Variants in INTU observed in about 807,000 individuals in gnomAD.
INTU encodes protein inturned.
A neutral mutation model predicts 100.5 loss-of-function variants in INTU; 68 were observed. That is an observed-to-expected ratio of 0.68 (90% CI 0.56 to 0.83). INTU has a LOEUF of 0.83. Among genes scored for constraint, INTU ranks in the 40% least tolerant of loss-of-function variants. INTU has a pLI of 0.00. For missense variants in INTU, 1,071 were observed against 1,114.7 expected (o/e 0.96, Z 0.56); for synonymous variants, 357 against 395.7 (o/e 0.90, Z 1.16).
chr4:127,667,690 A>G (rs1000959657), intron 4 of INTU, among the ~76,000 whole-genome samples: 2 of 152,140 alleles, frequency 1.3e-5, no homozygotes. Context: ...TAAGTAGACA[A>G]CAGAAGATCT....
At position 127,706,698 on chromosome 4, in the gene INTU, A is replaced by T; in HGVS notation, c.2000A>T (p.Lys667Ile). The T allele has an allele frequency of 6.2e-7, 1 of 1,614,104 alleles. No individual in the cohort carries two copies. Among genetic ancestry groups the T allele is most frequent in the Non-Finnish European group, 8.5e-7 (1 of 1,179,984 alleles). Reference sequence around the variant, plus strand: ...TGGTTCCTTACTGGATCACGTGAAAAAACAGATAGCTTGACCACTTCGCCT... The same window carrying T: ...TGGTTCCTTACTGGATCACGTGAAATAACAGATAGCTTGACCACTTCGCCT... ...ADWFLTGSREKTDSLTTSPIL... is the reference protein window; with the variant it reads ...ADWFLTGSREITDSLTTSPIL... Residue 667 changes from lysine (K) to isoleucine (I), a missense_variant, in exon 12 of 16, where the codon AAA (lysine) becomes ATA (isoleucine). Physicochemically the swap from Lys to Ile is moderately radical, Grantham distance 102. Coordinates refer to ENST00000335251, the MANE Select transcript of INTU (RefSeq NM_015693.4).
chr4:127,696,791 C>A (rs1029246382), intron 8 of INTU, among the ~76,000 whole-genome samples: 4 of 151,844 alleles, frequency 2.6e-5, no homozygotes, highest in African/African-American at 4.8e-5. Context: ...TTAGATATTT[C>A]TTCTTTTTTA....
intron 2 of INTU, among the ~76,000 whole-genome samples, chr4:127,649,541 C>G (rs1412347349): frequency 2.0e-5 from 3 of 151,754 alleles, no homozygotes; most frequent in Non-Finnish European, 4.4e-5. Flanking sequence ...ATTATACTTA[C>G]CTGTTGAGCA....
intron 2 of INTU, among the ~76,000 whole-genome samples, chr4:127,646,169 A>G (rs113974955): frequency 0.027 from 3,940 of 145,494 alleles, 179 homozygotes; most frequent in African/African-American, 0.095. Flanking sequence ...GGGGGAACAC[A>G]GTGAGACTCT....
chr4:127,700,846 G>A lies in INTU; in HGVS notation c.1503+783G>A, dbSNP rs369277872. Among the ~76,000 whole-genome samples, 38 of 151,342 alleles carry A rather than the reference G, an allele frequency of 2.5e-4. No homozygotes were observed. The South Asian group carries it at 6.7e-3, about 27-fold the overall frequency. ...GCACTAACTTGTTTTTGTGAAAACT[G>A]TTAAATGAAGAAAAATCAGACATTT... On this transcript the variant is annotated intron_variant, in intron 9 of 15. Transcript: ENST00000335251.
chr4:127,713,623 G>C (rs946856697), intron 14 of INTU, among the ~76,000 whole-genome samples: 2 of 152,020 alleles, frequency 1.3e-5, no homozygotes, highest in Non-Finnish European at 2.9e-5. Flanking sequence ...GGGGAAAAAA[G>C]CTTATAATTT....
chr4:127,682,010 T>C lies in INTU; in HGVS notation c.1182-2399T>C, dbSNP rs1043759238. 4.0e-5 allele frequency among the ~76,000 whole-genome samples: 6 copies of C among 149,810 alleles called. 1 individual carries two copies. The South Asian group carries it at 1.2e-3, about 31-fold the overall frequency. On this transcript the variant is annotated intron_variant, in intron 6 of 15. Transcript: ENST00000335251. ...CAAAAAACACATGAAAAAATGCTCATCATCACTGGCCATCAGAGAAATGCA... is the reference window on the plus strand; with the variant it reads ...CAAAAAACACATGAAAAAATGCTCACCATCACTGGCCATCAGAGAAATGCA...
chr4:127,665,997 A>G (rs930357513), intron 4 of INTU, among the ~76,000 whole-genome samples: 1 of 152,014 alleles, frequency 6.6e-6, no homozygotes, highest in Admixed American at 6.6e-5. Flanking sequence ...TTTGACCTCT[A>G]TTATTGCTGT....
chr4:127,656,559 G>C, intron 2 of INTU, 77 bp from the exon 3 acceptor site: 2 of 1,020,424 alleles, frequency 2.0e-6, no homozygotes, highest in Non-Finnish European at 3.1e-6. Context: ...CAGAGTAGCT[G>C]TTTAATGTTC....
At chr4:127,643,391 A>G (rs1389137893) in intron 1 of INTU, 130 bp from the exon 2 acceptor site, 11 of 600,054 alleles carry the variant, frequency 1.8e-5, no homozygotes, top group Non-Finnish European at 2.6e-5. Context: ...ATAATTTGAA[A>G]TAATAAAGAA....
intron 12 of INTU, 47 bp from the exon 13 acceptor site, chr4:127,708,524 G>T: frequency 1.0e-6 from 1 of 967,020 alleles, no homozygotes; most frequent in Non-Finnish European, 1.6e-6. Context: ...TCTGCTATAT[G>T]ATTCCATTCT....
At chr4:127,654,495 T>A (rs1223607736) in intron 2 of INTU, among the ~76,000 whole-genome samples, 1 of 152,200 alleles carries the variant, frequency 6.6e-6, no homozygotes, top group African/African-American at 2.4e-5. Context: ...TTAGTTTGGC[T>A]GGATATGAAA....
intron 3 of INTU, among the ~76,000 whole-genome samples, chr4:127,661,792 G>T (rs1728489242): frequency 6.6e-6 from 1 of 152,088 alleles, no homozygotes; most frequent in East Asian, 1.9e-4. Flanking sequence ...AAGGAATTTG[G>T]GGTAGATACC....
At chr4:127,689,422 GGA>G (rs1730002294) in intron 8 of INTU, among the ~76,000 whole-genome samples, 1 of 152,118 alleles carries the variant, frequency 6.6e-6, no homozygotes, top group South Asian at 2.1e-4. Context: ...GACTGAGGTG[GGA>G]GGATCACTTG....
chr4:127,725,368 T>C lies in INTU; in HGVS notation c.*8932T>C, dbSNP rs1257468003. 6.6e-6 allele frequency: 1 copy of C among 152,252 alleles called. No homozygotes were observed. The highest frequency in any genetic ancestry group is 1.9e-4 in the East Asian group (1 of 5,168). The allele number at this position is 152,252 out of a possible 1,614,324, so 9.4% of individuals were successfully genotyped here. Reference sequence around the variant, plus strand: ...ATCACAATATTGTCATATGCTACCATTTGACTCACAACTGCTGTCTTAGGA... The same window carrying C: ...ATCACAATATTGTCATATGCTACCACTTGACTCACAACTGCTGTCTTAGGA... On this transcript the variant is annotated 3_prime_UTR_variant, in exon 16 of 16. Transcript: ENST00000335251.
At position 127,717,770 on chromosome 4, in the gene INTU, T is replaced by G. The variant is rs1469158711; in HGVS notation, c.*1334T>G. The G allele has an allele frequency of 2.0e-5, 3 of 152,240 alleles. No homozygotes were observed. The highest frequency in any genetic ancestry group is 3.8e-4 in the East Asian group (2 of 5,196). The allele number at this position is 152,240 out of a possible 1,614,324, so 9.4% of individuals were successfully genotyped here. The stretch of plus-strand genomic sequence containing the variant: ...TTGAGCTTTTTTTTCATATGTTTGT[T>G]GGCTGCATGAATGTCTTCTTTTGAG... On this transcript the variant is annotated 3_prime_UTR_variant, in exon 16 of 16. Transcript: ENST00000335251.
chr4:127,674,794 G>A (rs144172360), intron 6 of INTU, among the ~76,000 whole-genome samples: 17 of 152,182 alleles, frequency 1.1e-4, no homozygotes, highest in African/African-American at 3.9e-4. Context: ...ACTGCATTAG[G>A]TACTTTATAT....
intron 3 of INTU, among the ~76,000 whole-genome samples, chr4:127,658,567 T>A (rs1490258323): frequency 6.6e-6 from 1 of 152,136 alleles, no homozygotes; most frequent in African/African-American, 2.4e-5. Context: ...TTATCCTGAG[T>A]GAGGGATCCC....
intron 7 of INTU, 58 bp downstream of exon 7, chr4:127,684,544 C>A: frequency 1.9e-6 from 2 of 1,027,518 alleles, no homozygotes; most frequent in South Asian, 1.4e-5. Context: ...AAGTCATCTT[C>A]TGCATTTAAG....
Sources: gnomAD v4.1 joint callset for allele counts (sites outside exome capture counted in the v4.1 genomes callset) on GRCh38, gnomAD v4.1.1 for gene constraint, MANE v1.5 for transcripts, NCBI Gene and HGNC (gene_info 2026-07-23, HGNC 2026-07-21) for gene names.